MAMDC2: variants seen among roughly 807,000 people sequenced by gnomAD.
The protein encoded by MAMDC2 is MAM domain containing 2, also known as MAM domain-containing protein 2.
Under a neutral mutation model 89.8 loss-of-function variants are expected in MAMDC2, and 57 were observed. That is an observed-to-expected ratio of 0.63 (90% CI 0.51 to 0.79). MAMDC2 has a LOEUF of 0.79. MAMDC2 is among the 30% of genes least tolerant of loss of function. The pLI is 0.00. For missense variants in MAMDC2, 800 were observed against 820.6 expected (o/e 0.97, Z 0.31); for synonymous variants, 313 against 293.4 (o/e 1.07, Z -0.68).
intron 7 of MAMDC2, among the ~76,000 whole-genome samples, chr9:70,133,940 T>C (rs941003809): frequency 2.0e-5 from 3 of 152,222 alleles, no homozygotes; most frequent in African/African-American, 7.2e-5. Context: ...ATGTCTTTCA[T>C]TGAGCAGCTG....
At chr9:70,065,075 C>T in intron 2 of MAMDC2, among the ~76,000 whole-genome samples, 1 of 152,182 alleles carries the variant, frequency 6.6e-6, no homozygotes, top group East Asian at 1.9e-4. Context: ...AGTAAAACCT[C>T]CCTCTGTCAA....
At chr9:70,051,457 T>C (rs1826891554) in intron 2 of MAMDC2, among the ~76,000 whole-genome samples, 1 of 152,236 alleles carries the variant, frequency 6.6e-6, no homozygotes, top group African/African-American at 2.4e-5. Context: ...TTTGTTGCCA[T>C]CTTCAAATCT....
intron 9 of MAMDC2, among the ~76,000 whole-genome samples, chr9:70,162,490 T>C (rs2032006134): frequency 7.4e-6 from 1 of 134,848 alleles, no homozygotes; most frequent in Non-Finnish European, 1.7e-5. Context: ...TGGGTACTTT[T>C]GTTTTGTTTT....
chr9:70,141,172 C>T (rs1329414803), intron 8 of MAMDC2, among the ~76,000 whole-genome samples: 1 of 152,162 alleles, frequency 6.6e-6, no homozygotes, highest in Non-Finnish European at 1.5e-5. Flanking sequence ...ATTTTGTATT[C>T]TTTTCTTAGA....
intron 2 of MAMDC2, 69 bp downstream of exon 2, chr9:70,044,766 C>T: frequency 9.1e-7 from 1 of 1,104,930 alleles, no homozygotes; most frequent in Non-Finnish European, 1.3e-6. Flanking sequence ...TTTTTTCCCA[C>T]ATGGGTAATG....
chr9:70,137,063 T>C (rs1396926358), intron 7 of MAMDC2, among the ~76,000 whole-genome samples: 10 of 152,218 alleles, frequency 6.6e-5, no homozygotes. Context: ...TCCTAGGGTA[T>C]ATCCCCTGAG....
intron 11 of MAMDC2, among the ~76,000 whole-genome samples, chr9:70,179,956 T>G (rs567519494): frequency 1.8e-4 from 28 of 151,516 alleles, no homozygotes; most frequent in African/African-American, 6.5e-4. Context: ...TGATGGTGCT[T>G]TGCCAGACCT....
At chr9:70,214,127 AC>A (rs1251526240) in intron 11 of MAMDC2, among the ~76,000 whole-genome samples, 7 of 152,252 alleles carry the variant, frequency 4.6e-5, no homozygotes, top group Non-Finnish European at 8.8e-5. Context: ...AAGGAAAGAG[AC>A]AGGCAAACAT....
chr9:70,139,286 A>C (rs1451989500), intron 7 of MAMDC2, among the ~76,000 whole-genome samples: 50 of 83,304 alleles, frequency 6.0e-4, no homozygotes, highest in African/African-American at 2.3e-3. Context: ...CCCACCCCAC[A>C]ACAGTCCCCA....
chr9:70,074,602 T>C (rs1827487897), intron 2 of MAMDC2, among the ~76,000 whole-genome samples: 1 of 152,180 alleles, frequency 6.6e-6, no homozygotes, highest in African/African-American at 2.4e-5. Context: ...ACCAAGGCAC[T>C]GAATACAGAG....
At chr9:70,170,401 A>G in intron 10 of MAMDC2, 78 bp from the exon 11 acceptor site, 1 of 1,484,484 alleles carries the variant, frequency 6.7e-7, no homozygotes, top group Non-Finnish European at 9.1e-7. Flanking sequence ...CAACATTCAT[A>G]CATGCAGAGT....
intron 9 of MAMDC2, among the ~76,000 whole-genome samples, chr9:70,162,712 G>A (rs1349558327): frequency 1.3e-5 from 2 of 152,000 alleles, no homozygotes; most frequent in South Asian, 2.1e-4. Flanking sequence ...GGCTGGTCTC[G>A]AACTGGCTGC....
intron 2 of MAMDC2, among the ~76,000 whole-genome samples, chr9:70,103,037 C>T (rs1177545364): frequency 2.0e-5 from 3 of 152,122 alleles, no homozygotes; most frequent in Non-Finnish European, 2.9e-5. Flanking sequence ...AGTATGTCAG[C>T]AAGAGTGGTG....
rs371362436 is a variant in MAMDC2 at position 70,051,886 on chromosome 9, T to G, written c.148+7189T>G. On this transcript the variant is annotated intron_variant, in intron 2 of 13. Coordinates refer to ENST00000377182, the MANE Select transcript of MAMDC2 (RefSeq NM_153267.5). ...ATATCTATTTACCTATCTAGATAGA[T>G]AGAGATAGATAGATAGATAGATAGA... Among the ~76,000 whole-genome samples the G allele has an allele frequency of 4.2e-4, 42 of 100,182 alleles. No individual in the cohort carries two copies. In the East Asian group the frequency reaches 5.4e-3, roughly 13 times the overall value. The allele number at this position is 100,182 out of a possible 152,430, so 65.7% of individuals were successfully genotyped here. A position where few individuals can be genotyped will look rare whatever the true frequency, so the allele number is the denominator to read the frequency against.
chr9:70,047,516 T>G (rs1826782718), intron 2 of MAMDC2, among the ~76,000 whole-genome samples: 1 of 152,214 alleles, frequency 6.6e-6, no homozygotes, highest in African/African-American at 2.4e-5. Context: ...TCCATGTCCC[T>G]GCAAAGGACA....
chr9:70,181,430 A>C (rs963478269), intron 11 of MAMDC2, among the ~76,000 whole-genome samples: 5 of 152,134 alleles, frequency 3.3e-5, no homozygotes, highest in Admixed American at 6.5e-5. Flanking sequence ...TGAATCTATA[A>C]ATTACTTTGG....
At chr9:70,132,566 G>A (rs979453875) in intron 7 of MAMDC2, among the ~76,000 whole-genome samples, 9 of 151,116 alleles carry the variant, frequency 6.0e-5, no homozygotes, top group Non-Finnish European at 1.2e-4. Flanking sequence ...GAATTGGGGG[G>A]TCTCGCTCTG....
chr9:70,158,454 T>C (rs2031845067), intron 9 of MAMDC2, among the ~76,000 whole-genome samples: 1 of 151,650 alleles, frequency 6.6e-6, no homozygotes, highest in Non-Finnish European at 1.5e-5. Context: ...TATACATATA[T>C]GCATATTTGG....
chr9:70,065,570 C>T (rs1165325535), intron 2 of MAMDC2, among the ~76,000 whole-genome samples: 4 of 114,350 alleles, frequency 3.5e-5, no homozygotes, highest in Non-Finnish European at 7.2e-5. Context: ...GGAGTCAAAA[C>T]CCCACGTCCT....
Sources: gnomAD v4.1 joint callset for allele counts (sites outside exome capture counted in the v4.1 genomes callset) on GRCh38, gnomAD v4.1.1 for gene constraint, MANE v1.5 for transcripts, NCBI Gene and HGNC (gene_info 2026-07-23, HGNC 2026-07-21) for gene names.